The following ADCY2 variants were observed in gnomAD, a reference collection of about 807,000 sequenced individuals.
The protein encoded by ADCY2 is adenylate cyclase 2, also known as adenylate cyclase type 2.
ADCY2 carries 31 observed loss-of-function variants against 125.2 expected under a neutral mutation model. The ratio of observed to expected loss-of-function variants is 0.25; its 90% CI spans 0.19 to 0.33. ADCY2 has a LOEUF of 0.33. Among genes scored for constraint, ADCY2 ranks in the 10% least tolerant of loss-of-function variants. The probability of loss-of-function intolerance (pLI) is 1.00; values close to 1 mark genes in which losing one functional copy is unlikely to be tolerated. For synonymous variants in ADCY2, 512 were observed against 548.4 expected (o/e 0.93, Z 0.93); for missense variants, 904 against 1,418.2 (o/e 0.64, Z 5.82).
chr5:7,714,341 T>C lies in ADCY2; in HGVS notation c.1622+1442T>C, dbSNP rs577799639. On this transcript the variant is annotated intron_variant, in intron 11 of 24. Coordinates refer to ENST00000338316, the MANE Select transcript of ADCY2 (RefSeq NM_020546.3). ...CCAGCAATCCTGCTTTAAGAGTCTA[T>C]TTATAGAAGTTACGATGGGTAATGT... Among the ~76,000 whole-genome samples the C allele has an allele frequency of 5.3e-4, 80 of 152,358 alleles. 1 individual carries two copies. Among genetic ancestry groups the C allele is most frequent in the East Asian group, 3.9e-4 (2 of 5,184 alleles).
At position 7,690,821 on chromosome 5, in the gene ADCY2, A is replaced by T. The variant is rs1358407091; in HGVS notation, c.851A>T (p.Lys284Met). Residue 284 changes from lysine to methionine, a missense_variant, in exon 5 of 25, where the codon AAG becomes ATG. Coordinates refer to ENST00000338316, the MANE Select transcript of ADCY2 (RefSeq NM_020546.3). ...NTNNFHNLYV[K>M]RHTNVSILYA... is the part of the protein sequence containing the mutation. ...AATAACTTCCACAACCTGTATGTGAAGCGGCATACAAACGTGAGGTACGAC... is the reference window on the plus strand; with the variant it reads ...AATAACTTCCACAACCTGTATGTGATGCGGCATACAAACGTGAGGTACGAC... 1 of 1,596,680 alleles carries T rather than the reference A, an allele frequency of 6.3e-7. No individual in the cohort carries two copies. Among genetic ancestry groups the T allele is most frequent in the Non-Finnish European group, 8.5e-7 (1 of 1,172,994 alleles).
intron 2 of ADCY2, among the ~76,000 whole-genome samples, chr5:7,507,217 G>A (rs1743858908): frequency 6.8e-6 from 1 of 147,824 alleles, no homozygotes; most frequent in Non-Finnish European, 1.5e-5. Flanking sequence ...CGAGGCGGGC[G>A]GATCACGAGG....
intron 2 of ADCY2, among the ~76,000 whole-genome samples, chr5:7,438,237 T>A (rs368716218): frequency 1.3e-5 from 2 of 152,164 alleles, no homozygotes; most frequent in South Asian, 2.1e-4. Flanking sequence ...GTTAGGGCAT[T>A]GTGCTTACCC....
At chr5:7,681,513 C>T (rs1375334056) in intron 4 of ADCY2, among the ~76,000 whole-genome samples, 6 of 152,134 alleles carry the variant, frequency 3.9e-5, no homozygotes, top group Non-Finnish European at 5.9e-5. Flanking sequence ...TGTATGTGAC[C>T]GCTTCAGGAT....
At chr5:7,471,170 A>G (rs1742320005) in intron 2 of ADCY2, among the ~76,000 whole-genome samples, 1 of 151,894 alleles carries the variant, frequency 6.6e-6, no homozygotes, top group Non-Finnish European at 1.5e-5. Flanking sequence ...AGTTTCTTAT[A>G]GACAGCATAC....
chr5:7,420,835 A>G (rs1326491759), intron 2 of ADCY2, among the ~76,000 whole-genome samples: 1 of 152,154 alleles, frequency 6.6e-6, no homozygotes, highest in African/African-American at 2.4e-5. Context: ...TTCCCCATTG[A>G]TAGAGCTGTT....
chr5:7,778,516 T>C (rs1010162062), intron 18 of ADCY2, among the ~76,000 whole-genome samples: 1 of 152,238 alleles, frequency 6.6e-6, no homozygotes, highest in African/African-American at 2.4e-5. Context: ...TGATAAACAG[T>C]GCTTAGCCTC....
intron 3 of ADCY2, among the ~76,000 whole-genome samples, chr5:7,586,292 G>GA (rs1051876708): frequency 1.3e-5 from 2 of 152,100 alleles, no homozygotes; most frequent in East Asian, 1.9e-4. Flanking sequence ...TAAAGTTTGA[G>GA]AAAAAAATTA....
intron 10 of ADCY2, among the ~76,000 whole-genome samples, chr5:7,711,078 A>G (rs1399011132): frequency 2.0e-5 from 3 of 152,198 alleles, no homozygotes; most frequent in African/African-American, 7.2e-5. Context: ...AAGTGCAGTG[A>G]GGATGTAGAC....
At chr5:7,817,057 G>T (rs771191704) in intron 23 of ADCY2, 77 bp downstream of exon 23, 48 of 1,093,896 alleles carry the variant, frequency 4.4e-5, no homozygotes, top group Non-Finnish European at 6.4e-5. Flanking sequence ...AGATATTGAT[G>T]ATCCTTTCAG....
intron 3 of ADCY2, among the ~76,000 whole-genome samples, chr5:7,571,225 A>G (rs562240220): frequency 1.2e-4 from 19 of 152,226 alleles, no homozygotes; most frequent in Non-Finnish European, 2.6e-4. Context: ...AAATTCCATG[A>G]TCTATCATCT....
At chr5:7,820,763 A>G in intron 24 of ADCY2, 74 bp downstream of exon 24, 1 of 1,495,602 alleles carries the variant, frequency 6.7e-7, no homozygotes, top group Non-Finnish European at 8.9e-7. Context: ...TAAGTATAAT[A>G]AGGATACTAA....
At position 7,571,087 on chromosome 5, in the gene ADCY2, A is replaced by G. The variant is rs188343840; in HGVS notation, c.570+50188A>G. On this transcript the variant is annotated intron_variant, in intron 3 of 24. Transcript: ENST00000338316. Reference sequence around the variant, plus strand: ...GGGAATTTTTTTTGGTATGGAATCTATTAGTCAGGGTTCTCTAGAGAAGCA... The same window carrying G: ...GGGAATTTTTTTTGGTATGGAATCTGTTAGTCAGGGTTCTCTAGAGAAGCA... Among the ~76,000 whole-genome samples the G allele has an allele frequency of 4.6e-3, 686 of 150,516 alleles. 2 individuals carry two copies. The highest frequency in any genetic ancestry group is 0.015 in the African/African-American group (639 of 41,478).
intron 16 of ADCY2, among the ~76,000 whole-genome samples, chr5:7,765,454 C>G (rs6885258): frequency 0.38 from 58,261 of 151,942 alleles, 11,563 homozygotes; most frequent in Admixed American, 0.52. Flanking sequence ...TTTCATCATA[C>G]ATAAAGAAAT....
chr5:7,562,218 C>A (rs1202434929), intron 3 of ADCY2, among the ~76,000 whole-genome samples: 2 of 151,838 alleles, frequency 1.3e-5, no homozygotes, highest in African/African-American at 4.8e-5. Context: ...TCTGTTTTTT[C>A]CACATAGATG....
intron 17 of ADCY2, among the ~76,000 whole-genome samples, chr5:7,767,731 A>T (rs1475275017): frequency 6.6e-6 from 1 of 152,096 alleles, no homozygotes; most frequent in Non-Finnish European, 1.5e-5. Context: ...CTCCATGCAC[A>T]GATAGAAGTG....
intron 4 of ADCY2, among the ~76,000 whole-genome samples, chr5:7,683,191 C>T (rs532360002): frequency 8.5e-5 from 13 of 152,214 alleles, no homozygotes; most frequent in African/African-American, 2.2e-4. Flanking sequence ...TCTTACTCTA[C>T]GTGAGGGAGA....
At chr5:7,629,078 G>A (rs1035905) in intron 4 of ADCY2, among the ~76,000 whole-genome samples, 31,844 of 151,944 alleles carry the variant, frequency 0.21, 4,419 homozygotes, top group Non-Finnish European at 0.31. Flanking sequence ...TCTTCATTCC[G>A]GAAGGATATG....
chr5:7,682,281 G>A (rs760917151), intron 4 of ADCY2, among the ~76,000 whole-genome samples: 2 of 152,182 alleles, frequency 1.3e-5, no homozygotes, highest in Non-Finnish European at 2.9e-5. Context: ...TAATAGGAGA[G>A]GGTGCATTTC....
Sources: gnomAD v4.1 joint callset for allele counts (sites outside exome capture counted in the v4.1 genomes callset) on GRCh38, gnomAD v4.1.1 for gene constraint, MANE v1.5 for transcripts, NCBI Gene and HGNC (gene_info 2026-07-23, HGNC 2026-07-21) for gene names.